The following SHTN1 variants were observed in gnomAD, a reference collection of about 807,000 sequenced individuals.
SHTN1 encodes the protein shootin 1, also known as shootin-1.
In SHTN1, 42 loss-of-function variants were observed where a neutral mutation model predicts 83.1. That is an observed-to-expected ratio of 0.51 (90% confidence interval 0.39 to 0.65). SHTN1 has a LOEUF of 0.65. Ranked by LOEUF, SHTN1 falls within the 30% of genes least tolerant of loss-of-function variation. SHTN1 has a pLI of 0.00. For missense variants in SHTN1, 622 were observed against 737.8 expected, an observed-to-expected ratio of 0.84 and a Z score of 1.82; for synonymous variants, 224 against 247.7, an observed-to-expected ratio of 0.90 and a Z score of 0.90.
chr10:117,029,727 G>A (rs959276725), intron 2 of SHTN1, among the ~76,000 whole-genome samples: 2 of 151,962 alleles, frequency 1.3e-5, no homozygotes, highest in African/African-American at 4.8e-5. Context: ...CTCCCCCATC[G>A]CTTTCTGCCA....
chr10:117,123,279 A>AT (rs1243952314), intron 1 of SHTN1, among the ~76,000 whole-genome samples: 1 of 152,046 alleles, frequency 6.6e-6, no homozygotes, highest in Non-Finnish European at 1.5e-5. Flanking sequence ...GGGTTCTTTA[A>AT]AAGGCAGGGG....
At chr10:117,112,914 C>A (rs991598222) in intron 1 of SHTN1, among the ~76,000 whole-genome samples, 3 of 152,158 alleles carry the variant, frequency 2.0e-5, no homozygotes, top group Admixed American at 1.3e-4. Flanking sequence ...TTAAAGAATT[C>A]TTTTCCTCTA....
chr10:116,901,154 T>C, intron 16 of SHTN1: 1 of 985,440 alleles, frequency 1.0e-6, no homozygotes, highest in Non-Finnish European at 1.2e-6. Context: ...TGTAGACTAA[T>C]TTCAAAAAAG....
rs1564947536 is a variant in SHTN1, at chr10:117,065,855, A to ACGG, written c.-188-17346_-188-17345insCCG. Among the ~76,000 whole-genome samples the ACGG allele has an allele frequency of 5.0e-4, 29 of 58,382 alleles. 2 individuals carry two copies. The highest frequency in any genetic ancestry group is 2.0e-3 in the African/African-American group (28 of 13,660). 38.3% of individuals were successfully genotyped at this position (58,382 alleles called of 152,430 possible). ...AAGGAAGGAAGGAAGGAAGGAAGGA[A>ACGG]AGGAGGGAGGGAGGGAGGGAGGGAG... On this transcript the variant is annotated intron_variant, in intron 1 of 17. Coordinates refer to the SHTN1 transcript ENST00000392901.
chr10:116,898,186 G>C (rs1192562230), intron 16 of SHTN1, among the ~76,000 whole-genome samples: 1 of 151,952 alleles, frequency 6.6e-6, no homozygotes, highest in East Asian at 1.9e-4. Flanking sequence ...AAATTAGCTG[G>C]GCATGGTGGC....
chr10:116,939,190 G>A (rs1849275532), intron 9 of SHTN1, among the ~76,000 whole-genome samples: 1 of 152,260 alleles, frequency 6.6e-6, no homozygotes, highest in South Asian at 2.1e-4. Context: ...TGTGTTGTTG[G>A]AGTTCCAGGT....
chr10:116,917,218 C>T (rs1848411164), intron 12 of SHTN1, among the ~76,000 whole-genome samples: 1 of 152,246 alleles, frequency 6.6e-6, no homozygotes, highest in African/African-American at 2.4e-5. Flanking sequence ...AGTGCTTTTG[C>T]TGACCCTACT....
chr10:116,932,157 C>A (rs1848993861), intron 9 of SHTN1, among the ~76,000 whole-genome samples: 1 of 152,172 alleles, frequency 6.6e-6, no homozygotes, highest in Non-Finnish European at 1.5e-5. Flanking sequence ...GCCACAGCTC[C>A]CAATCAGTCA....
intron 2 of SHTN1, among the ~76,000 whole-genome samples, chr10:116,972,824 A>G (rs1259379195): frequency 6.6e-6 from 1 of 152,150 alleles, no homozygotes; most frequent in African/African-American, 2.4e-5. Flanking sequence ...GCTGGATAAC[A>G]TTACATCGAC....
chr10:116,910,563 A>G (rs1848151870), intron 14 of SHTN1, among the ~76,000 whole-genome samples: 1 of 152,202 alleles, frequency 6.6e-6, no homozygotes, highest in African/African-American at 2.4e-5. Context: ...TGTACCTCAT[A>G]GAGACGTCTG....
intron 2 of SHTN1, among the ~76,000 whole-genome samples, chr10:117,033,363 G>A (rs568059894): frequency 2.0e-4 from 30 of 152,022 alleles, no homozygotes; most frequent in Non-Finnish European, 3.1e-4. Context: ...AACTGATACT[G>A]CAGAAATTCA....
At chr10:116,974,740 C>G (rs1394384200) in intron 2 of SHTN1, among the ~76,000 whole-genome samples, 1 of 152,044 alleles carries the variant, frequency 6.6e-6, no homozygotes, top group Non-Finnish European at 1.5e-5. Context: ...AGATTTCCTT[C>G]TTTTTACGCA....
intron 1 of SHTN1, among the ~76,000 whole-genome samples, chr10:117,085,494 T>C (rs1222326405): frequency 6.6e-6 from 1 of 152,246 alleles, no homozygotes; most frequent in African/African-American, 2.4e-5. Flanking sequence ...TGTTGTGGTC[T>C]GAGAGCATAT....
At chr10:116,988,979 A>C (rs891042667) in intron 1 of SHTN1, among the ~76,000 whole-genome samples, 1 of 152,192 alleles carries the variant, frequency 6.6e-6, no homozygotes, top group Non-Finnish European at 1.5e-5. Context: ...AAAGCACAAC[A>C]AAGTTTAAAA....
chr10:117,077,442 A>T (rs903080305), intron 1 of SHTN1, among the ~76,000 whole-genome samples: 2 of 152,172 alleles, frequency 1.3e-5, no homozygotes, highest in Non-Finnish European at 2.9e-5. Context: ...TATTGGGAGC[A>T]ATCACCAAAA....
rs1316637222 is a variant in SHTN1 at position 116,923,619 on chromosome 10, A to C, written c.1113-2103T>G. On this transcript the variant is annotated intron_variant, in intron 11 of 16. Coordinates refer to ENST00000355371, the MANE Select transcript of SHTN1 (RefSeq NM_001127211.3). Reference sequence around the variant, plus strand: ...TGCCCATGCTGGAGTACAAGGGCACAGTCACCACTCATTGCAGCTCCGATC... The same window carrying C: ...TGCCCATGCTGGAGTACAAGGGCACCGTCACCACTCATTGCAGCTCCGATC... Among the ~76,000 whole-genome samples the C allele has an allele frequency of 2.0e-5, 3 of 151,868 alleles. No homozygotes were observed. In the East Asian group the frequency reaches 5.8e-4, roughly 29 times the overall value.
chr10:117,106,155 T>C (rs1671879577), intron 1 of SHTN1, among the ~76,000 whole-genome samples: 1 of 151,042 alleles, frequency 6.6e-6, no homozygotes. Context: ...ACTAACTGAA[T>C]TAAATAACAA....
intron 2 of SHTN1, among the ~76,000 whole-genome samples, chr10:117,045,420 C>G (rs921078575): frequency 6.6e-6 from 1 of 152,178 alleles, no homozygotes; most frequent in African/African-American, 2.4e-5. Context: ...CTATAGCACA[C>G]TTCTCCTCTC....
At chr10:117,047,120 A>C (rs1335078325) in intron 2 of SHTN1, among the ~76,000 whole-genome samples, 1 of 152,194 alleles carries the variant, frequency 6.6e-6, no homozygotes, top group Non-Finnish European at 1.5e-5. Flanking sequence ...GCTGGAGTGC[A>C]GTGGCACGAT....
Sources: allele counts gnomAD v4.1 joint callset (sites outside exome capture counted in the v4.1 genomes callset), GRCh38; gene constraint gnomAD v4.1.1; transcripts MANE v1.5; gene names NCBI Gene and HGNC (gene_info 2026-07-23, HGNC 2026-07-21).